The following ENAH variants were observed in gnomAD, a reference collection of about 807,000 sequenced individuals.
ENAH encodes protein enabled homolog.
A neutral mutation model predicts 78.7 loss-of-function variants in ENAH; 23 were observed. The ratio of observed to expected loss-of-function variants is 0.29; its 90% CI spans 0.21 to 0.41. The LOEUF is 0.41. ENAH is among the 10% of genes least tolerant of loss of function. The pLI is 1.00. For missense variants in ENAH, 544 were observed against 691.0 expected (o/e 0.79, Z 2.39); for synonymous variants, 226 against 241.0 (o/e 0.94, Z 0.58).
At chr1:225,560,002 A>G (rs999616962) in intron 2 of ENAH, among the ~76,000 whole-genome samples, 2 of 152,214 alleles carry the variant, frequency 1.3e-5, no homozygotes, top group Admixed American at 1.3e-4. Flanking sequence ...GGGAAGCAGG[A>G]CTAGCCCAGA....
intron 1 of ENAH, among the ~76,000 whole-genome samples, chr1:225,642,629 C>T (rs1319887466): frequency 8.6e-5 from 13 of 151,884 alleles, no homozygotes; most frequent in South Asian, 4.2e-4. Context: ...ATGATTGTAC[C>T]ACTGCACTCC....
At chr1:225,613,932 T>G (rs900808610) in intron 1 of ENAH, among the ~76,000 whole-genome samples, 2 of 152,206 alleles carry the variant, frequency 1.3e-5, no homozygotes, top group African/African-American at 4.8e-5. Flanking sequence ...CCCCAGGTTG[T>G]GACCTGTGCT....
intron 1 of ENAH, among the ~76,000 whole-genome samples, chr1:225,615,030 T>G (rs1351728525): frequency 1.5e-5 from 2 of 135,758 alleles, no homozygotes; most frequent in Non-Finnish European, 3.1e-5. Context: ...TCTGATGCCC[T>G]CTCCCCGGTC....
Position 225,612,799 on chromosome 1 carries a change from GT to G in ENAH, c.5+39886del, listed in dbSNP as rs1423731864. Among the ~76,000 whole-genome samples the G allele has an allele frequency of 2.7e-5, 4 of 150,302 alleles. No homozygotes were observed. The South Asian group carries it at 8.7e-4, about 33-fold the overall frequency. ...AGGACCAACCGTAAGAAGCAAAAAA[GT>G]TTTATATCCAAAGTGCTCACTGTAA... is the stretch of plus-strand genomic sequence containing the variant. On this transcript the variant is annotated intron_variant, in intron 1 of 13. Transcript: ENST00000366843.
At chr1:225,520,838 A>C (rs2096461267) in intron 4 of ENAH, among the ~76,000 whole-genome samples, 1 of 151,874 alleles carries the variant, frequency 6.6e-6, no homozygotes. Context: ...CCCAGGCAAC[A>C]GAATGACACC....
intron 1 of ENAH, among the ~76,000 whole-genome samples, chr1:225,633,861 G>C (rs1054234410): frequency 6.6e-6 from 1 of 152,266 alleles, no homozygotes; most frequent in African/African-American, 2.4e-5. Flanking sequence ...CTGTGGCGAA[G>C]GACTTATACC....
At position 225,525,051 on chromosome 1, in the gene ENAH, TCTTA is replaced by T. The variant is rs1270040258; in HGVS notation, c.435-5490_435-5487del. On this transcript the variant is annotated intron_variant, in intron 4 of 13. Coordinates refer to ENST00000366843, the MANE Select transcript of ENAH (RefSeq NM_018212.6). ...ATTATAAGACTTAGAACAGTAATCC[TCTTA>T]CTAACGCTCACCACTTCTGATTTTG... Among the ~76,000 whole-genome samples, 3 of 152,198 alleles carry T rather than the reference TCTTA, an allele frequency of 2.0e-5. No homozygotes were observed. In the East Asian group the frequency reaches 5.8e-4, roughly 29 times the overall value.
intron 1 of ENAH, among the ~76,000 whole-genome samples, chr1:225,600,349 C>A (rs1186358239): frequency 6.6e-6 from 1 of 151,910 alleles, no homozygotes; most frequent in Non-Finnish European, 1.5e-5. Context: ...GCCTGGGCAA[C>A]AGTCAGACTC....
intron 1 of ENAH, among the ~76,000 whole-genome samples, chr1:225,643,410 A>G (rs1449385019): frequency 6.6e-6 from 1 of 151,908 alleles, no homozygotes; most frequent in Non-Finnish European, 1.5e-5. Context: ...AAAAAAAAAC[A>G]AAACACAGCA....
intron 10 of ENAH, among the ~76,000 whole-genome samples, chr1:225,511,544 T>C (rs1013536860): frequency 2.0e-5 from 3 of 152,246 alleles, no homozygotes; most frequent in African/African-American, 7.2e-5. Context: ...GCTCACTTTA[T>C]TTTTACCTCT....
In ENAH at chr1:225,527,727, G is replaced by A. The variant is rs148965930; in HGVS notation, c.434+2827C>T. Among the ~76,000 whole-genome samples, 54 of 152,240 alleles carry A rather than the reference G, an allele frequency of 3.5e-4. 1 individual carries two copies. In the East Asian group the frequency reaches 5.6e-3, roughly 16 times the overall value. On this transcript the variant is annotated intron_variant, in intron 4 of 13. Coordinates refer to ENST00000366843, the MANE Select transcript of ENAH (RefSeq NM_018212.6). The stretch of plus-strand genomic sequence containing the variant: ...AGGAGGAAGCGTACTCACATTGCAC[G>A]TGTGTTTGCATCGCCTTGCCTTTAC...
chr1:225,645,257 T>C (rs965342200), intron 1 of ENAH, among the ~76,000 whole-genome samples: 4 of 152,252 alleles, frequency 2.6e-5, no homozygotes, highest in African/African-American at 9.6e-5. Flanking sequence ...TATAGATCTG[T>C]CTATTCTGGG....
At chr1:225,520,152 G>A (rs757308782) in intron 4 of ENAH, among the ~76,000 whole-genome samples, 12 of 151,982 alleles carry the variant, frequency 7.9e-5, no homozygotes, top group South Asian at 4.2e-4. Flanking sequence ...AAAATTAGCC[G>A]GGCATGGTAG....
chr1:225,527,246 A>C (rs2096512293), intron 4 of ENAH, among the ~76,000 whole-genome samples: 1 of 152,254 alleles, frequency 6.6e-6, no homozygotes, highest in Admixed American at 6.5e-5. Context: ...AGCCAAAGTT[A>C]ACAGGACAAT....
At chr1:225,639,705 A>AACAAACAC (rs1660676588) in intron 1 of ENAH, among the ~76,000 whole-genome samples, 1 of 138,552 alleles carries the variant, frequency 7.2e-6, no homozygotes, top group East Asian at 2.1e-4. Context: ...GGCGGGATTA[A>AACAAACAC]ACACACACAC....
At chr1:225,562,310 C>G (rs985281766) in intron 2 of ENAH, among the ~76,000 whole-genome samples, 1 of 151,882 alleles carries the variant, frequency 6.6e-6, no homozygotes, top group South Asian at 2.1e-4. Flanking sequence ...CAGTGGCTCA[C>G]GCCTGTAATC....
chr1:225,650,787 T>C (rs990693945), intron 1 of ENAH, among the ~76,000 whole-genome samples: 4 of 139,804 alleles, frequency 2.9e-5, no homozygotes, highest in African/African-American at 1.1e-4. Context: ...GAGGCGGAGG[T>C]TGCAGTGAGC....
At chr1:225,571,892 T>C (rs1250847422) in intron 1 of ENAH, among the ~76,000 whole-genome samples, 4 of 152,116 alleles carry the variant, frequency 2.6e-5, no homozygotes, top group Non-Finnish European at 5.9e-5. Context: ...ACCCTATGCC[T>C]CTCTTCCATT....
intron 3 of ENAH, among the ~76,000 whole-genome samples, chr1:225,538,060 G>A (rs2096570684): frequency 6.6e-6 from 1 of 152,172 alleles, no homozygotes; most frequent in African/African-American, 2.4e-5. Context: ...TAAATGAGAT[G>A]TTTGCTTAAA....
Sources: gnomAD v4.1 joint callset for allele counts (sites outside exome capture counted in the v4.1 genomes callset) on GRCh38, gnomAD v4.1.1 for gene constraint, MANE v1.5 for transcripts, NCBI Gene and HGNC (gene_info 2026-07-23, HGNC 2026-07-21) for gene names.